PCDH15: variants seen among roughly 807,000 people sequenced by gnomAD.
The protein encoded by PCDH15 is protocadherin related 15.
In PCDH15, 129 loss-of-function variants were observed where a neutral mutation model predicts 178.5. That is an observed-to-expected ratio of 0.72 (90% CI 0.63 to 0.84). The LOEUF is 0.84. Among genes scored for constraint, PCDH15 ranks in the 40% least tolerant of loss-of-function variants. The pLI is 0.00. For missense variants in PCDH15, 2,230 were observed against 2,099.9 expected, an observed-to-expected ratio of 1.06 and a Z score of -1.21; for synonymous variants, 800 against 732.0, an observed-to-expected ratio of 1.09 and a Z score of -1.50.
At chr10:55,225,861 A>T (rs1415742652) in intron 1 of PCDH15, among the ~76,000 whole-genome samples, 1 of 151,984 alleles carries the variant, frequency 6.6e-6, no homozygotes, top group Non-Finnish European at 1.5e-5. Context: ...CTCCTTTGCA[A>T]TGTTGAAGCT....
intron 1 of PCDH15, among the ~76,000 whole-genome samples, chr10:55,213,589 C>G (rs1840625994): frequency 6.6e-6 from 1 of 151,604 alleles, no homozygotes; most frequent in East Asian, 1.9e-4. Flanking sequence ...ATAAATGTAT[C>G]TTATATTTTT....
rs776295626 is a variant in PCDH15 at position 53,806,734 on chromosome 10, T to A, written c.5068A>T (p.Asn1690Tyr). The change falls in exon 38 of 38, where the codon AAC becomes TAC. Residue 1690 changes from asparagine (N) to tyrosine (Y), a missense_variant. Coordinates refer to ENST00000644397, the MANE Select transcript of PCDH15 (RefSeq NM_001384140.1). ...TDNTAVKPLR[N>Y]RLKSTVEQES... ...TGTTCAACTGTGCTTTTCAGCCTGT[T>A]CCTTAGTGGCTTCACCGCTGTATTG... 1.6e-5 allele frequency: 26 copies of A among 1,613,748 alleles called. No homozygotes were observed. The African/African-American group carries it at 2.4e-4, about 15-fold the overall frequency.
intron 1 of PCDH15, among the ~76,000 whole-genome samples, chr10:55,176,902 C>A (rs1409841685): frequency 1.3e-5 from 2 of 152,128 alleles, no homozygotes; most frequent in African/African-American, 2.4e-5. Flanking sequence ...ACAGGCCCTA[C>A]CTGTTTGGGC....
At chr10:55,054,793 T>TGTTGGCCACATATATG (rs1172258877) in intron 2 of PCDH15, among the ~76,000 whole-genome samples, 1 of 152,232 alleles carries the variant, frequency 6.6e-6, no homozygotes, top group Admixed American at 6.5e-5. Flanking sequence ...TCCCTATGCT[T>TGTTGGCCACATATATG]GTTGGCCACA....
intron 2 of PCDH15, among the ~76,000 whole-genome samples, chr10:55,601,142 G>C (rs910933108): frequency 6.6e-6 from 1 of 152,062 alleles, no homozygotes; most frequent in Non-Finnish European, 1.5e-5. Context: ...CCTCCTTCCA[G>C]AGAGCTCTCC....
intron 2 of PCDH15, among the ~76,000 whole-genome samples, chr10:55,090,402 G>A (rs1228568154): frequency 6.6e-6 from 1 of 151,940 alleles, no homozygotes; most frequent in African/African-American, 2.4e-5. Flanking sequence ...ACTCAGGCTT[G>A]CTCAAGATCT....
intron 2 of PCDH15, among the ~76,000 whole-genome samples, chr10:55,426,638 G>T (rs182789857): frequency 6.6e-6 from 1 of 152,126 alleles, no homozygotes; most frequent in African/African-American, 2.4e-5. Flanking sequence ...TTCCAACAGC[G>T]AGGGCAAAGG....
Position 54,280,281 on chromosome 10 carries a change from GTTTT to G in PCDH15, c.876+36986_876+36989del, listed in dbSNP as rs60842227. Among the ~76,000 whole-genome samples, 92 of 142,778 alleles carry G rather than the reference GTTTT, an allele frequency of 6.4e-4. 2 individuals carry two copies. The highest frequency in any genetic ancestry group is 2.1e-3 in the African/African-American group (85 of 39,552). 93.7% of individuals were successfully genotyped at this position (142,778 alleles called of 152,430 possible). A position where few individuals can be genotyped will look rare whatever the true frequency, so the allele number is the denominator to read the frequency against. On this transcript the variant is annotated intron_variant, in intron 8 of 37. Transcript: ENST00000644397. Reference sequence around the variant, plus strand: ...TAAACATTAATTAACAAAATTTCTAGTTTTTTTTTTTTTTTCTTCTAGAGCAGTT... The same window carrying G: ...TAAACATTAATTAACAAAATTTCTAGTTTTTTTTTTTCTTCTAGAGCAGTT...
chr10:55,368,343 A>G (rs879346318), intron 2 of PCDH15, among the ~76,000 whole-genome samples: 5 of 152,120 alleles, frequency 3.3e-5, no homozygotes, highest in South Asian at 2.1e-4. Context: ...CATACACTAC[A>G]AATATACACA....
At chr10:54,828,353 A>G (rs985018518) in intron 3 of PCDH15, among the ~76,000 whole-genome samples, 1 of 151,974 alleles carries the variant, frequency 6.6e-6, no homozygotes, top group Admixed American at 6.6e-5. Context: ...GAGGATGTTG[A>G]TAATTTGTAA....
chr10:54,044,107 A>C (rs1409029994), intron 18 of PCDH15, among the ~76,000 whole-genome samples: 1 of 152,072 alleles, frequency 6.6e-6, no homozygotes, highest in African/African-American at 2.4e-5. Context: ...ATGACTGAGG[A>C]TAGATCTTGA....
At chr10:54,264,627 C>T (rs1195877282) in intron 8 of PCDH15, among the ~76,000 whole-genome samples, 2 of 152,064 alleles carry the variant, frequency 1.3e-5, no homozygotes, top group African/African-American at 4.8e-5. Context: ...GGTTGGGAGT[C>T]TTAAAAACAG....
chr10:54,273,587 G>A (rs1243926757), intron 8 of PCDH15, among the ~76,000 whole-genome samples: 1 of 151,702 alleles, frequency 6.6e-6, no homozygotes, highest in African/African-American at 2.4e-5. Context: ...ATAAAATAGA[G>A]ACACTTAAAA....
intron 9 of PCDH15, among the ~76,000 whole-genome samples, chr10:54,220,864 A>G (rs1316672410): frequency 1.4e-5 from 2 of 146,064 alleles, no homozygotes; most frequent in African/African-American, 2.6e-5. Context: ...AAATAAATAA[A>G]TAAATAAGTA....
At chr10:54,758,588 G>A (rs1947467923) in intron 1 of PCDH15, among the ~76,000 whole-genome samples, 3 of 152,092 alleles carry the variant, frequency 2.0e-5, no homozygotes, top group Admixed American at 2.0e-4. Context: ...TTAATGTAAA[G>A]TTTTATTTTA....
intron 21 of PCDH15, among the ~76,000 whole-genome samples, chr10:53,969,623 C>A (rs1001063605): frequency 6.6e-6 from 1 of 152,054 alleles, no homozygotes; most frequent in East Asian, 1.9e-4. Flanking sequence ...GTCTGGTTAC[C>A]CACAAAGGGA....
At chr10:55,108,277 CAAGATACAGAAAGGCCCT>C (rs1466083977) in intron 2 of PCDH15, among the ~76,000 whole-genome samples, 1 of 152,134 alleles carries the variant, frequency 6.6e-6, no homozygotes, top group Non-Finnish European at 1.5e-5. Context: ...ATAAATTATC[CAAGATACAGAAAGGCCCT>C]AAGTATGCAT....
At chr10:53,808,352 A>G (rs571274737) in intron 37 of PCDH15, 3 of 687,304 alleles carry the variant, frequency 4.4e-6, no homozygotes, top group South Asian at 1.2e-4. Context: ...ATATATATAT[A>G]TGCCATCCAT....
chr10:54,334,791 T>C (rs567973090), intron 6 of PCDH15, among the ~76,000 whole-genome samples: 1 of 152,108 alleles, frequency 6.6e-6, no homozygotes, highest in African/African-American at 2.4e-5. Flanking sequence ...AATTGAGAAG[T>C]GGCGGAAATG....
Sources: gnomAD v4.1 joint callset for allele counts (sites outside exome capture counted in the v4.1 genomes callset) on GRCh38, gnomAD v4.1.1 for gene constraint, MANE v1.5 for transcripts, NCBI Gene and HGNC (gene_info 2026-07-23, HGNC 2026-07-21) for gene names.